The following AP4E1 variants were observed in gnomAD, a reference collection of about 807,000 sequenced individuals.
AP4E1 encodes the protein adaptor related protein complex 4 subunit epsilon 1.
Under a neutral mutation model 128.2 loss-of-function variants are expected in AP4E1, and 56 were observed. The observed-to-expected ratio is 0.44, with a 90% CI of 0.35 to 0.55. The LOEUF is 0.55. Ranked by LOEUF, AP4E1 falls within the 20% of genes least tolerant of loss-of-function variation. The pLI is 0.00. For missense variants in AP4E1, 1,324 were observed against 1,307.7 expected (o/e 1.01, Z -0.19); for synonymous variants, 484 against 473.1 (o/e 1.02, Z -0.30).
intron 7 of AP4E1, 48 bp from the exon 8 acceptor site, chr15:50,934,576 G>T: frequency 7.7e-7 from 1 of 1,305,448 alleles, no homozygotes; most frequent in Non-Finnish European, 1.1e-6. Flanking sequence ...CTGTTTTATT[G>T]GGTTAGAATA....
chr15:50,936,973 A>G (rs1453575845), intron 8 of AP4E1, among the ~76,000 whole-genome samples: 3 of 152,030 alleles, frequency 2.0e-5, no homozygotes, highest in Non-Finnish European at 4.4e-5. Flanking sequence ...ACCAACACCA[A>G]CAGTTTCTTT....
intron 15 of AP4E1, among the ~76,000 whole-genome samples, chr15:50,981,931 C>G (rs113061660): frequency 2.7e-4 from 41 of 151,852 alleles, no homozygotes; most frequent in African/African-American, 7.2e-4. Context: ...ACTAAAAATA[C>G]GAAATTAGCC....
rs1246799527 is a variant in AP4E1 at position 51,003,349 on chromosome 15, A to G, written c.*687A>G. The G allele has an allele frequency of 6.5e-6, 1 of 152,672 alleles. No individual in the cohort carries two copies. Among genetic ancestry groups the G allele is most frequent in the East Asian group, 1.9e-4 (1 of 5,204 alleles). 9.5% of individuals were successfully genotyped at this position (152,672 alleles called of 1,614,324 possible). On this transcript the variant is annotated 3_prime_UTR_variant, in exon 21 of 21. Transcript: ENST00000261842. The stretch of plus-strand genomic sequence containing the variant: ...TTTAAAATTCAAAGTAAATCACTCT[A>G]TTCTTATTTTGAAAACTCAGAGCCA...
chr15:50,941,395 G>T lies in AP4E1; in HGVS notation c.944-47G>T, dbSNP rs1477184007. On this transcript the variant is annotated intron_variant, in intron 8 of 20. Coordinates refer to ENST00000261842, the MANE Select transcript of AP4E1 (RefSeq NM_007347.5). ...AAGTTCTACACAAATACATTGTTTTGTTATACCTTACCATGATACCTGCCA... is the reference window on the plus strand; with the variant it reads ...AAGTTCTACACAAATACATTGTTTTTTTATACCTTACCATGATACCTGCCA... The T allele has an allele frequency of 8.8e-6, 14 of 1,594,720 alleles. No individual in the cohort carries two copies. The Admixed American group carries it at 2.0e-4, about 23-fold the overall frequency.
chr15:50,934,940 C>T (rs1053287066), intron 8 of AP4E1, among the ~76,000 whole-genome samples: 3 of 151,950 alleles, frequency 2.0e-5, no homozygotes, highest in Non-Finnish European at 4.4e-5. Context: ...ATTGAAAACA[C>T]ATATCAATTA....
rs576459970 is a variant in AP4E1 at position 50,963,017 on chromosome 15, A to G, written c.1851+4223A>G. 3.9e-5 allele frequency among the ~76,000 whole-genome samples: 6 copies of G among 152,144 alleles called. No homozygotes were observed. In the South Asian group the frequency reaches 1.2e-3, roughly 32 times the overall value. ...AAAAAAATGCTCAACATTGCTAATC[A>G]TCCGGGAGATGTAAATCAAAACCAC... is the stretch of plus-strand genomic sequence containing the variant. On this transcript the variant is annotated intron_variant, in intron 14 of 20. Transcript: ENST00000261842.
In AP4E1 at chr15:50,909,387, A is replaced by G. The variant is rs184476593; in HGVS notation, c.150+459A>G. ...CTCCCCCGGTGCCTTCAACTGAACA[A>G]CAGTTCAGATGTCGCATACCTGAAG... On this transcript the variant is annotated intron_variant, in intron 1 of 20. Coordinates refer to ENST00000261842, the MANE Select transcript of AP4E1 (RefSeq NM_007347.5). Among the ~76,000 whole-genome samples, 4 of 152,228 alleles carry G rather than the reference A, an allele frequency of 2.6e-5. No homozygotes were observed. In the East Asian group the frequency reaches 7.7e-4, roughly 29 times the overall value.
At chr15:50,928,716 T>C (rs1448811534) in intron 5 of AP4E1, among the ~76,000 whole-genome samples, 2 of 44,264 alleles carry the variant, frequency 4.5e-5, no homozygotes, top group Non-Finnish European at 1.1e-4. Flanking sequence ...TTTTTCATGT[T>C]TTTTTTTTTT....
At chr15:50,964,702 A>G (rs1335962467) in intron 14 of AP4E1, among the ~76,000 whole-genome samples, 9 of 152,124 alleles carry the variant, frequency 5.9e-5, no homozygotes, top group African/African-American at 2.2e-4. Flanking sequence ...GGATGGGCAC[A>G]GTAGTATATT....
chr15:50,962,165 A>C (rs2064324374), intron 14 of AP4E1, among the ~76,000 whole-genome samples: 1 of 152,126 alleles, frequency 6.6e-6, no homozygotes, highest in African/African-American at 2.4e-5. Context: ...GATCACATGA[A>C]TATTGTTAAA....
intron 8 of AP4E1, among the ~76,000 whole-genome samples, chr15:50,935,174 G>T (rs2063891145): frequency 6.6e-6 from 1 of 152,062 alleles, no homozygotes; most frequent in South Asian, 2.1e-4. Context: ...TGATGGACAG[G>T]GATAGGTGTT....
At chr15:50,945,812 A>G in intron 10 of AP4E1, 1 of 770,404 alleles carries the variant, frequency 1.3e-6, no homozygotes, top group Non-Finnish European at 2.4e-6. Context: ...TTTCAGCATC[A>G]TCCTGATATA....
At position 50,908,811 on chromosome 15, in the gene AP4E1, G is replaced by T; in HGVS notation, c.33G>T (p.Ala11=). Reference sequence around the variant, plus strand: ...ACATAGTGGAGAAGACGCTGACGGCGCTGCCGGGACTCTTTCTGCAGAACC... The same window carrying T: ...ACATAGTGGAGAAGACGCTGACGGCTCTGCCGGGACTCTTTCTGCAGAACC... MSDIVEKTLT[A]LPGLFLQNQP... is the part of the protein sequence containing the mutation. The change falls in exon 1 of 21, where the codon GCG becomes GCT. Residue 11 remains alanine (A), a synonymous_variant. Coordinates refer to ENST00000261842, the MANE Select transcript of AP4E1 (RefSeq NM_007347.5). 2 of 1,601,506 alleles carry T rather than the reference G, an allele frequency of 1.2e-6. No individual in the cohort carries two copies. The highest frequency in any genetic ancestry group is 1.7e-6 in the Non-Finnish European group (2 of 1,175,448).
At chr15:50,949,600 G>T (rs1342199626) in intron 11 of AP4E1, among the ~76,000 whole-genome samples, 1 of 152,062 alleles carries the variant, frequency 6.6e-6, no homozygotes, top group Non-Finnish European at 1.5e-5. Context: ...TTTTGTGCAA[G>T]TATGGTGCCA....
At chr15:50,993,874 G>A (rs1260536311) in intron 17 of AP4E1, among the ~76,000 whole-genome samples, 2 of 152,208 alleles carry the variant, frequency 1.3e-5, no homozygotes, top group Non-Finnish European at 2.9e-5. Flanking sequence ...ACAAGGGTCA[G>A]GCTCCAAATA....
chr15:50,977,706 G>GTTTTTTTTTGTTT (rs2064572048), intron 15 of AP4E1, among the ~76,000 whole-genome samples: 2 of 80,294 alleles, frequency 2.5e-5, no homozygotes, highest in African/African-American at 4.7e-5. Context: ...ATCTGTTATG[G>GTTTTTTTTTGTTT]TTTTTTTTTT....
At chr15:50,982,109 A>AAG (rs2064651223) in intron 15 of AP4E1, among the ~76,000 whole-genome samples, 2 of 149,864 alleles carry the variant, frequency 1.3e-5, no homozygotes. Context: ...AAAAAAAAAA[A>AAG]GCAAGTTCAG....
intron 15 of AP4E1, among the ~76,000 whole-genome samples, chr15:50,972,482 G>C (rs2064494881): frequency 6.6e-6 from 1 of 152,302 alleles, no homozygotes; most frequent in African/African-American, 2.4e-5. Context: ...AAAGTGCTGG[G>C]ATTACAAGTG....
chr15:50,951,703 AG>A (rs2064152083), intron 13 of AP4E1, among the ~76,000 whole-genome samples: 1 of 148,682 alleles, frequency 6.7e-6, no homozygotes, highest in African/African-American at 2.5e-5. Context: ...CTTTTAGTTT[AG>A]TTTTTTCAGT....
Sources: gnomAD v4.1 joint callset for allele counts (sites outside exome capture counted in the v4.1 genomes callset) on GRCh38, gnomAD v4.1.1 for gene constraint, MANE v1.5 for transcripts, NCBI Gene and HGNC (gene_info 2026-07-23, HGNC 2026-07-21) for gene names.